Variants in PRR3 observed in about 807,000 individuals in gnomAD.
The protein encoded by PRR3 is proline rich 3.
A neutral mutation model predicts 22.4 loss-of-function variants in PRR3; 16 were observed. The observed-to-expected ratio is 0.71, with a 90% CI of 0.48 to 1.09. The LOEUF (loss-of-function observed/expected upper bound fraction) is 1.09. PRR3 is among the 50% of genes least tolerant of loss of function. The pLI is 0.00. For missense variants in PRR3, 224 were observed against 243.4 expected (o/e 0.92, Z 0.53); for synonymous variants, 87 against 88.6 (o/e 0.98, Z 0.10).
chr6:30,557,868 A>G (rs754789790), intron 1 of PRR3, among the ~76,000 whole-genome samples: 4 of 152,206 alleles, frequency 2.6e-5, no homozygotes, highest in Non-Finnish European at 4.4e-5. Flanking sequence ...GTCTGGAGAC[A>G]CTTAGGTTGT....
rs1180843532 is a variant in PRR3 at position 30,557,456 on chromosome 6, G to A, written c.106+6G>A. On this transcript the variant is annotated splice_donor_region_variant and intron_variant, in intron 1 of 3. Transcript: ENST00000376560. ...GGAGGATGGGAGTCCCATCGGTGAGGGGTCTGGGAGGGATGTGCACATGCC... is the reference window on the plus strand; with the variant it reads ...GGAGGATGGGAGTCCCATCGGTGAGAGGTCTGGGAGGGATGTGCACATGCC... The A allele has an allele frequency of 6.3e-7, 1 of 1,591,256 alleles. No individual in the cohort carries two copies. Among genetic ancestry groups the A allele is most frequent in the East Asian group, 2.2e-5 (1 of 44,612 alleles).
At position 30,562,397 on chromosome 6, in the gene PRR3, G is replaced by A. The variant is rs1490995917; in HGVS notation, c.469G>A (p.Asp157Asn). Residue 157 changes from aspartate to asparagine, a missense_variant, in exon 4 of 4, where the codon GAC becomes AAC. By Grantham distance (23) the Asp-to-Asn change is conservative. Coordinates refer to ENST00000376560, the MANE Select transcript of PRR3 (RefSeq NM_025263.4). Reference sequence around the variant, plus strand: ...TTTTCACTTGTTCACAGACAAATCCGACCGCCCTGTCTGCCGACATTTTGC... The same window carrying A: ...TTTTCACTTGTTCACAGACAAATCCAACCGCCCTGTCTGCCGACATTTTGC... ...DDPQVMEDKS[D>N]RPVCRHFAKK... The A allele has an allele frequency of 5.6e-6, 9 of 1,613,202 alleles. No homozygotes were observed. Among genetic ancestry groups the A allele is most frequent in the East Asian group, 4.5e-5 (2 of 44,860 alleles).
At chr6:30,558,284 G>A (rs945411952) in intron 2 of PRR3, 72 bp downstream of exon 2, 10 of 1,255,082 alleles carry the variant, frequency 8.0e-6, no homozygotes, top group Non-Finnish European at 1.0e-5. Context: ...TAAAACCCAG[G>A]AAGGACTTAA....
At chr6:30,558,831 G>T (rs975567428) in intron 2 of PRR3, among the ~76,000 whole-genome samples, 1 of 152,178 alleles carries the variant, frequency 6.6e-6, no homozygotes, top group African/African-American at 2.4e-5. Context: ...TGAAAAGTTG[G>T]TCTTTTCAAT....
Position 30,561,571 on chromosome 6 carries a change from T to C in PRR3, c.170-263T>C. 1.7e-6 allele frequency: 1 copy of C among 604,858 alleles called. No homozygotes were observed. The allele number at this position is 604,858 out of a possible 1,614,324, so 37.5% of individuals were successfully genotyped here. On this transcript the variant is annotated intron_variant, in intron 2 of 3. Transcript: ENST00000376560. This position sits in a 1 kb window ranked among gnomAD's most constrained non-coding sequence, Gnocchi z 4.0. ...AAACTAACCTATGGTGTCAGGATAG[T>C]GGTTACCTTTGGGGAGGAGGGTGGG...
In PRR3 at chr6:30,561,810, G is replaced by A. The variant is rs781363952; in HGVS notation, c.170-24G>A. 187 of 1,390,934 alleles carry A rather than the reference G, an allele frequency of 1.3e-4. No homozygotes were observed. Among genetic ancestry groups the A allele is most frequent in the Non-Finnish European group, 1.7e-4 (181 of 1,040,858 alleles). 86.2% of individuals were successfully genotyped at this position (1,390,934 alleles called of 1,614,324 possible). On this transcript the variant is annotated intron_variant, in intron 2 of 3. Transcript: ENST00000376560. This position sits in a 1 kb window ranked among gnomAD's most constrained non-coding sequence, Gnocchi z 4.0. ...AGCTGCCCATTAGACACCTTTCTGT[G>A]TCTCTCTCTCTCTCTCTCTCCAGCT...
chr6:30,557,017 G>T (rs1488839774), upstream of PRR3: 2 of 688,796 alleles, frequency 2.9e-6, no homozygotes, highest in Admixed American at 2.0e-5. Context: ...AGGCCCTCTG[G>T]CCCGAGAGCC....
upstream of PRR3, chr6:30,556,966 G>A (rs1226672337): frequency 3.5e-5 from 22 of 634,650 alleles, no homozygotes; most frequent in Non-Finnish European, 2.8e-6. The surrounding 1 kb of genome is among the most constrained non-coding windows in gnomAD (Gnocchi z 5.7). Flanking sequence ...AGTAACCGAG[G>A]ACCGGATGTG....
At chr6:30,558,526 G>T in intron 2 of PRR3, 1 of 365,088 alleles carries the variant, frequency 2.7e-6, no homozygotes, top group Non-Finnish European at 5.1e-6. Flanking sequence ...GGCTTACTAT[G>T]AATATCAAGA....
At chr6:30,562,355 A>G (rs189209952) in intron 3 of PRR3, 34 bp from the exon 4 acceptor site, 42 of 1,530,972 alleles carry the variant, frequency 2.7e-5, no homozygotes, top group South Asian at 1.1e-4. Flanking sequence ...TTGTTGCTCA[A>G]ATTTTTAACT....
intron 1 of PRR3, 81 bp downstream of exon 1, chr6:30,557,531 G>C: frequency 1.0e-6 from 1 of 998,666 alleles, no homozygotes; most frequent in Non-Finnish European, 1.5e-6. Context: ...GTGCGAAGGA[G>C]GGGGCTGTAA....
intron 2 of PRR3, among the ~76,000 whole-genome samples, chr6:30,559,178 C>G (rs1161358896): frequency 1.3e-5 from 2 of 152,136 alleles, no homozygotes; most frequent in African/African-American, 2.4e-5. Context: ...CAGTTCAAGA[C>G]CAGCCTGACC....
rs979200517 is a variant in PRR3, at chr6:30,561,478, G to A, written c.170-356G>A. The A allele has an allele frequency of 7.8e-5, 41 of 525,782 alleles. No homozygotes were observed. Among genetic ancestry groups the A allele is most frequent in the East Asian group, 1.9e-4 (4 of 20,982 alleles). The allele number at this position is 525,782 out of a possible 1,614,324, so 32.6% of individuals were successfully genotyped here. On this transcript the variant is annotated intron_variant, in intron 2 of 3. Transcript: ENST00000376560. The surrounding 1 kb of genome is among the most constrained non-coding windows in gnomAD (Gnocchi z 4.0). ...GAATCTCACAAACATGATGTTGAGCGAAAGGAGCCAGACATAAAAGAATGC... is the reference window on the plus strand; with the variant it reads ...GAATCTCACAAACATGATGTTGAGCAAAAGGAGCCAGACATAAAAGAATGC...
At chr6:30,557,571 A>G (rs1489791180) in intron 1 of PRR3, 121 bp downstream of exon 1, 2 of 674,958 alleles carry the variant, frequency 3.0e-6, no homozygotes, top group Admixed American at 5.4e-5. Flanking sequence ...CGCGCTGGGG[A>G]GGGATGGAAG....
rs1293579294 is a variant in PRR3, at chr6:30,561,716, A to G, written c.170-118A>G. 2.2e-6 allele frequency: 2 copies of G among 889,470 alleles called. No homozygotes were observed. Among genetic ancestry groups the G allele is most frequent in the South Asian group, 1.8e-5 (1 of 54,884 alleles). The allele number at this position is 889,470 out of a possible 1,614,324, so 55.1% of individuals were successfully genotyped here. A position where few individuals can be genotyped will look rare whatever the true frequency, so the allele number is the denominator to read the frequency against. ...GTGAGAACTGGGTTGTGCACTTAAA[A>G]CTGGTGTGTCTTTATGTATGCTGTT... On this transcript the variant is annotated intron_variant, in intron 2 of 3. Coordinates refer to ENST00000376560, the MANE Select transcript of PRR3 (RefSeq NM_025263.4). This position sits in a 1 kb window ranked among gnomAD's most constrained non-coding sequence, Gnocchi z 4.0.
intron 2 of PRR3, chr6:30,558,426 G>A: frequency 3.5e-6 from 2 of 565,590 alleles, no homozygotes; most frequent in Non-Finnish European, 6.4e-6. Context: ...TTCCAAGTCA[G>A]AACACCCATA....
intron 2 of PRR3, chr6:30,558,438 T>C (rs571624984): frequency 7.2e-6 from 4 of 556,154 alleles, no homozygotes; most frequent in South Asian, 4.8e-5. Context: ...ACACCCATAA[T>C]GTTTTTGTGG....
chr6:30,563,082 C>T lies in PRR3; in HGVS notation c.*587C>T, dbSNP rs1170390100. The T allele has an allele frequency of 3.9e-5, 6 of 152,694 alleles. No homozygotes were observed. The highest frequency in any genetic ancestry group is 2.0e-4 in the Admixed American group (3 of 15,262). 9.5% of individuals were successfully genotyped at this position (152,694 alleles called of 1,614,324 possible). ...TCTCTGTCAGTAGCATGATCCCCAC[C>T]GCTATGGTCTATCTATGATCACCGT... On this transcript the variant is annotated 3_prime_UTR_variant, in exon 4 of 4. Transcript: ENST00000376560.
At chr6:30,559,074 C>G (rs1206932219) in intron 2 of PRR3, among the ~76,000 whole-genome samples, 1 of 152,156 alleles carries the variant, frequency 6.6e-6, no homozygotes, top group Non-Finnish European at 1.5e-5. Flanking sequence ...AAATTGAACT[C>G]CGTTAGAAAA....
Sources: allele counts gnomAD v4.1 joint callset (sites outside exome capture counted in the v4.1 genomes callset), GRCh38; gene constraint gnomAD v4.1.1; non-coding constraint Gnocchi (gnomAD v3.1); transcripts MANE v1.5; gene names NCBI Gene and HGNC (gene_info 2026-07-23, HGNC 2026-07-21).